The following CYP26B1 variants were observed in gnomAD, a reference collection of about 807,000 sequenced individuals.
CYP26B1 encodes cytochrome P450 26B1.
In CYP26B1, 8 loss-of-function variants were observed where a neutral mutation model predicts 39.1. The ratio of observed to expected loss-of-function variants is 0.20; its 90% CI spans 0.12 to 0.37. The LOEUF is 0.37. Among genes scored for constraint, CYP26B1 ranks in the 10% least tolerant of loss-of-function variants. CYP26B1 has a pLI of 1.00. For missense variants in CYP26B1, 615 were observed against 707.0 expected (o/e 0.87, Z 1.48); for synonymous variants, 321 against 314.3 (o/e 1.02, Z -0.23).
Position 72,143,998 on chromosome 2 carries a change from G to A in CYP26B1, c.420C>T (p.Asn140=), listed in dbSNP as rs772070692. The A allele has an allele frequency of 1.3e-5, 21 of 1,613,432 alleles. No individual in the cohort carries two copies. The Admixed American group carries it at 2.8e-4, about 22-fold the overall frequency. The change falls in exon 2 of 6, where the codon AAC becomes AAT. Residue 140 remains asparagine (N), a synonymous_variant. Coordinates refer to ENST00000001146, the MANE Select transcript of CYP26B1 (RefSeq NM_019885.4). ...VSNSIGDIHR[N]KRKVFSKIFS... ...CGGGCAGAGTTCTTACCTTGCGCTT[G>A]TTGCGGTGGATGTCGCCAATGGAAT...
intron 1 of CYP26B1, among the ~76,000 whole-genome samples, chr2:72,145,239 C>A (rs1292383882): frequency 6.6e-6 from 1 of 152,214 alleles, no homozygotes; most frequent in Non-Finnish European, 1.5e-5. Flanking sequence ...CCGGGTTGGT[C>A]CCCCTCCTCA....
At position 72,144,072 on chromosome 2, in the gene CYP26B1, C is replaced by G. The variant is rs1677041996; in HGVS notation, c.346G>C (p.Glu116Gln). The change falls in exon 2 of 6, where the codon GAG (glutamate) becomes CAG (glutamine). Residue 116 changes from glutamate (E) to glutamine (Q), a missense_variant. Coordinates refer to ENST00000001146, the MANE Select transcript of CYP26B1 (RefSeq NM_019885.4). ...LMGEHHLVST[E>Q]WPRSTRMLLG... is the part of the protein sequence containing the mutation. ...AACATGCGGGTGCTGCGAGGCCACTCGGTGCTCACGAGGTGGTGCTCGCCC... is the reference window on the plus strand; with the variant it reads ...AACATGCGGGTGCTGCGAGGCCACTGGGTGCTCACGAGGTGGTGCTCGCCC... The G allele has an allele frequency of 6.2e-7, 1 of 1,613,720 alleles. No individual in the cohort carries two copies. The highest frequency in any genetic ancestry group is 8.5e-7 in the Non-Finnish European group (1 of 1,179,856).
chr2:72,144,748 C>T (rs917474688), intron 1 of CYP26B1, among the ~76,000 whole-genome samples: 1 of 152,226 alleles, frequency 6.6e-6, no homozygotes, highest in African/African-American at 2.4e-5. Flanking sequence ...CCTCGGAGGA[C>T]TCTGCAGGGC....
chr2:72,132,305 G>T lies in CYP26B1; in HGVS notation c.1461C>A (p.Ser487Arg), dbSNP rs752316199. 1.2e-6 allele frequency: 2 copies of T among 1,607,354 alleles called. No homozygotes were observed. The highest frequency in any genetic ancestry group is 1.7e-6 in the Non-Finnish European group (2 of 1,177,098). The change falls in exon 6 of 6, where the codon AGC becomes AGA. Residue 487 changes from serine (S) to arginine (R), a missense_variant. Transcript: ENST00000001146. ...VPVLHPVDGL[S>R]VKFFGLDSNQ... ...TGGAGTCCAGGCCAAAGAACTTGACGCTGAGGCCATCCACGGGGTGCAGGA... is the reference window on the plus strand; with the variant it reads ...TGGAGTCCAGGCCAAAGAACTTGACTCTGAGGCCATCCACGGGGTGCAGGA...
chr2:72,137,576 C>T (rs1189543356), intron 2 of CYP26B1, among the ~76,000 whole-genome samples: 3 of 152,024 alleles, frequency 2.0e-5, no homozygotes, highest in Non-Finnish European at 4.4e-5. Flanking sequence ...AGGGGGAGCA[C>T]GCAGGGCCCC....
chr2:72,138,386 G>T (rs933022871), intron 2 of CYP26B1, among the ~76,000 whole-genome samples: 1 of 152,194 alleles, frequency 6.6e-6, no homozygotes, highest in Admixed American at 6.5e-5. Context: ...GGCGGGCTGG[G>T]TCTGAGGCCA....
intron 2 of CYP26B1, among the ~76,000 whole-genome samples, chr2:72,141,448 G>T (rs151285000): frequency 0.017 from 2,648 of 152,312 alleles, 70 homozygotes; most frequent in African/African-American, 0.058. Context: ...ACCTCCCAGA[G>T]GTGGGGTGGG....
chr2:72,140,463 G>A (rs1021625584), intron 2 of CYP26B1, among the ~76,000 whole-genome samples: 4 of 152,270 alleles, frequency 2.6e-5, no homozygotes, highest in African/African-American at 9.6e-5. Flanking sequence ...CTGGGGCAGA[G>A]CTCCCAGCAG....
chr2:72,143,887 A>AG lies in CYP26B1; in HGVS notation c.429+101dup, dbSNP rs372268757. ...CGGAGTCTTCAAGCATGGTGTGCAA[A>AG]GGGGGGCACAGATTCGGTAGGGGAC... On this transcript the variant is annotated intron_variant, in intron 2 of 5. Transcript: ENST00000001146. 1.9e-5 allele frequency: 27 copies of AG among 1,385,702 alleles called. 1 individual carries two copies. The highest frequency in any genetic ancestry group is 1.6e-4 in the African/African-American group (11 of 70,310). 85.8% of individuals were successfully genotyped at this position (1,385,702 alleles called of 1,614,324 possible). A position where few individuals can be genotyped will look rare whatever the true frequency, so the allele number is the denominator to read the frequency against.
intron 2 of CYP26B1, among the ~76,000 whole-genome samples, chr2:72,141,706 A>G (rs550487694): frequency 6.6e-6 from 1 of 152,354 alleles, no homozygotes; most frequent in African/African-American, 2.4e-5. Flanking sequence ...TCTCTCCAGG[A>G]CAATCATGGA....
intron 2 of CYP26B1, among the ~76,000 whole-genome samples, chr2:72,143,387 CG>C (rs1445432471): frequency 1.3e-5 from 2 of 150,256 alleles, no homozygotes; most frequent in African/African-American, 5.0e-5. Context: ...GGGGTGGGTG[CG>C]CTTTGATCCC....
Position 72,147,056 on chromosome 2 carries a change from C to T in CYP26B1, c.204+575G>A, listed in dbSNP as rs1677140428. On this transcript the variant is annotated intron_variant, in intron 1 of 5. Coordinates refer to ENST00000001146, the MANE Select transcript of CYP26B1 (RefSeq NM_019885.4). This position sits in a 1 kb window ranked among gnomAD's most constrained non-coding sequence, Gnocchi z 6.1. ...TTCTCATTTTTCCTTGGGTTACCTTCTTCCTCTTCCACCACAAAACAGACA... is the reference window on the plus strand; with the variant it reads ...TTCTCATTTTTCCTTGGGTTACCTTTTTCCTCTTCCACCACAAAACAGACA... 6.6e-6 allele frequency among the ~76,000 whole-genome samples: 1 copy of T among 152,216 alleles called. No homozygotes were observed. Among genetic ancestry groups the T allele is most frequent in the South Asian group, 2.1e-4 (1 of 4,828 alleles).
At chr2:72,140,354 C>G (rs867586913) in intron 2 of CYP26B1, among the ~76,000 whole-genome samples, 31 of 152,374 alleles carry the variant, frequency 2.0e-4, no homozygotes, top group Middle Eastern at 6.8e-3. Context: ...GCTACCCGCC[C>G]CCCTCAGCAG....
rs776274383 is a variant in CYP26B1, at chr2:72,132,400, C to G, written c.1366G>C (p.Val456Leu). The change falls in exon 6 of 6, where the codon GTG becomes CTG. Residue 456 changes from valine to leucine, a missense_variant. Coordinates refer to ENST00000001146, the MANE Select transcript of CYP26B1 (RefSeq NM_019885.4). ...AAGCGGCTGGTGCTAGCCAGCTCCA[C>G]CGCCAGCACCTTCAGGAACAGCTTG... ...LAKLFLKVLA[V>L]ELASTSRFEL... The G allele has an allele frequency of 6.2e-7, 1 of 1,611,918 alleles. No homozygotes were observed. The highest frequency in any genetic ancestry group is 2.2e-5 in the East Asian group (1 of 44,804).
At position 72,131,087 on chromosome 2, in the gene CYP26B1, C is replaced by A. The variant is rs1051128338; in HGVS notation, c.*1140G>T. 1 of 152,640 alleles carries A rather than the reference C, an allele frequency of 6.6e-6. No homozygotes were observed. The highest frequency in any genetic ancestry group is 2.4e-5 in the African/African-American group (1 of 41,464). The allele number at this position is 152,640 out of a possible 1,614,324, so 9.5% of individuals were successfully genotyped here. A position where few individuals can be genotyped will look rare whatever the true frequency, so the allele number is the denominator to read the frequency against. On this transcript the variant is annotated 3_prime_UTR_variant, in exon 6 of 6. Transcript: ENST00000001146. ...GAACCCGTATCCTTCCCCATACTCACGCCTGGAGTCAGGGCCAGTGCACTG... is the reference window on the plus strand; with the variant it reads ...GAACCCGTATCCTTCCCCATACTCAAGCCTGGAGTCAGGGCCAGTGCACTG...
chr2:72,139,435 C>T (rs1454415166), intron 2 of CYP26B1, among the ~76,000 whole-genome samples: 1 of 152,186 alleles, frequency 6.6e-6, no homozygotes, highest in African/African-American at 2.4e-5. Context: ...TGGAAATGTC[C>T]AATCTGGGTG....
chr2:72,134,595 A>G lies in CYP26B1; in HGVS notation c.861+166T>C, dbSNP rs537123925. Among the ~76,000 whole-genome samples the G allele has an allele frequency of 5.3e-5, 8 of 152,274 alleles. No homozygotes were observed. In the South Asian group the frequency reaches 1.4e-3, roughly 28 times the overall value. ...GGCATCCTGCACAGCAGGGGTGGGG[A>G]CACAGACTTCGCTTCCAGTTTCAAG... On this transcript the variant is annotated intron_variant, in intron 4 of 5. Coordinates refer to ENST00000001146, the MANE Select transcript of CYP26B1 (RefSeq NM_019885.4).
intron 4 of CYP26B1, among the ~76,000 whole-genome samples, 153 bp from the exon 5 acceptor site, chr2:72,133,460 C>A (rs1321421645): frequency 6.6e-6 from 1 of 152,228 alleles, no homozygotes; most frequent in African/African-American, 2.4e-5. Context: ...CTTCATGTTG[C>A]CGGGGCATTA....
chr2:72,143,479 G>C (rs1398706218), intron 2 of CYP26B1, among the ~76,000 whole-genome samples: 1 of 117,826 alleles, frequency 8.5e-6, no homozygotes, highest in Non-Finnish European at 1.7e-5. Context: ...CAGGCTCGCC[G>C]CACCTCTCTG....
Sources: gnomAD v4.1 joint callset for allele counts (sites outside exome capture counted in the v4.1 genomes callset) on GRCh38, gnomAD v4.1.1 for gene constraint, Gnocchi (gnomAD v3.1) non-coding constraint, MANE v1.5 for transcripts, NCBI Gene and HGNC (gene_info 2026-07-23, HGNC 2026-07-21) for gene names.